Variants in ANGPT1 observed in about 807,000 individuals in gnomAD.
ANGPT1 encodes angiopoietin-1.
A neutral mutation model predicts 62.2 loss-of-function variants in ANGPT1; 17 were observed. The observed-to-expected ratio is 0.27, with a 90% confidence interval of 0.19 to 0.41. The LOEUF is 0.41. ANGPT1 is among the 10% of genes least tolerant of loss of function. The probability of loss-of-function intolerance (pLI) is 1.00; values close to 1 mark genes in which losing one functional copy is unlikely to be tolerated. For missense variants in ANGPT1, 478 were observed against 594.9 expected (o/e 0.80, Z 2.04); for synonymous variants, 199 against 198.9 (o/e 1.00, Z 0.00).
At chr8:107,447,969 A>T (rs920459883) in intron 1 of ANGPT1, among the ~76,000 whole-genome samples, 2 of 152,214 alleles carry the variant, frequency 1.3e-5, no homozygotes, top group Admixed American at 6.5e-5. Context: ...ACTTAGGCAG[A>T]AGCTGAAGCC....
intron 1 of ANGPT1, among the ~76,000 whole-genome samples, chr8:107,404,425 T>C (rs1817106260): frequency 6.6e-6 from 1 of 152,134 alleles, no homozygotes; most frequent in Non-Finnish European, 1.5e-5. Flanking sequence ...TTTCTTAAGA[T>C]ATTTTCTATA....
chr8:107,402,786 C>T (rs1210310783), intron 1 of ANGPT1, among the ~76,000 whole-genome samples: 1 of 152,050 alleles, frequency 6.6e-6, no homozygotes, highest in African/African-American at 2.4e-5. Flanking sequence ...AAAATAAAAT[C>T]ATAAATTCTG....
intron 4 of ANGPT1, among the ~76,000 whole-genome samples, chr8:107,320,523 C>T (rs1166262357): frequency 6.6e-6 from 1 of 152,066 alleles, no homozygotes; most frequent in East Asian, 1.9e-4. Context: ...TCGTTAAATA[C>T]TCATGAGTTC....
At chr8:107,384,177 G>C (rs890361779) in intron 1 of ANGPT1, among the ~76,000 whole-genome samples, 1 of 152,022 alleles carries the variant, frequency 6.6e-6, no homozygotes. Context: ...TTGACTCAGT[G>C]GTTCTCACTT....
chr8:107,411,456 T>C (rs533666965), intron 1 of ANGPT1, among the ~76,000 whole-genome samples: 2 of 152,202 alleles, frequency 1.3e-5, no homozygotes, highest in African/African-American at 4.8e-5. Context: ...AAAAGACTTA[T>C]AAGAATATGT....
At position 107,299,861 on chromosome 8, in the gene ANGPT1, T is replaced by C. The variant is rs1406871903; in HGVS notation, c.936+3379A>G. Among the ~76,000 whole-genome samples, 2 of 102,532 alleles carry C rather than the reference T, an allele frequency of 2.0e-5. 1 individual carries two copies. Among genetic ancestry groups the C allele is most frequent in the Non-Finnish European group, 3.9e-5 (2 of 50,836 alleles). The allele number at this position is 102,532 out of a possible 152,430, so 67.3% of individuals were successfully genotyped here. A position where few individuals can be genotyped will look rare whatever the true frequency, so the allele number is the denominator to read the frequency against. Reference sequence around the variant, plus strand: ...TCTAGATATACTATATATTTAGATATGTAGTTATATCTAGATATACTATAT... The same window carrying C: ...TCTAGATATACTATATATTTAGATACGTAGTTATATCTAGATATACTATAT... On this transcript the variant is annotated intron_variant, in intron 5 of 8. Transcript: ENST00000517746.
At chr8:107,489,452 CA>C (rs1812900218) in intron 1 of ANGPT1, among the ~76,000 whole-genome samples, 1 of 152,040 alleles carries the variant, frequency 6.6e-6, no homozygotes, top group Non-Finnish European at 1.5e-5. Context: ...TACTTACTGA[CA>C]AAAGAAAAGA....
intron 2 of ANGPT1, among the ~76,000 whole-genome samples, chr8:107,345,345 A>G (rs1815781159): frequency 6.6e-6 from 1 of 152,194 alleles, no homozygotes; most frequent in South Asian, 2.1e-4. Flanking sequence ...AAGGATGCAG[A>G]ACAATTTATC....
At chr8:107,299,135 C>T (rs1233542171) in intron 5 of ANGPT1, among the ~76,000 whole-genome samples, 1 of 151,284 alleles carries the variant, frequency 6.6e-6, no homozygotes, top group African/African-American at 2.4e-5. Context: ...CATGTCACAC[C>T]ATGTGTTTAC....
At chr8:107,300,867 C>G (rs1229835112) in intron 5 of ANGPT1, among the ~76,000 whole-genome samples, 1 of 151,860 alleles carries the variant, frequency 6.6e-6, no homozygotes, top group Non-Finnish European at 1.5e-5. Flanking sequence ...CTGATGAAAC[C>G]AACCCAGGAG....
chr8:107,255,061 T>G (rs1447138507), intron 8 of ANGPT1, among the ~76,000 whole-genome samples: 3 of 151,952 alleles, frequency 2.0e-5, no homozygotes, highest in South Asian at 2.1e-4. Flanking sequence ...GGACAGAAAT[T>G]TTTGGAAACA....
intron 7 of ANGPT1, among the ~76,000 whole-genome samples, chr8:107,272,067 G>A (rs1380589317): frequency 2.0e-5 from 3 of 151,920 alleles, no homozygotes; most frequent in African/African-American, 7.2e-5. Context: ...ACCAGAATTT[G>A]TGCATAATAA....
chr8:107,313,679 G>A (rs1179155801), intron 4 of ANGPT1, among the ~76,000 whole-genome samples: 3 of 151,502 alleles, frequency 2.0e-5, no homozygotes, highest in Non-Finnish European at 4.4e-5. Context: ...TCCTGACCTC[G>A]TGATCCACCT....
chr8:107,441,718 A>G (rs1811480078), intron 1 of ANGPT1, among the ~76,000 whole-genome samples: 1 of 152,290 alleles, frequency 6.6e-6, no homozygotes, highest in African/African-American at 2.4e-5. Flanking sequence ...AAATGAGATT[A>G]TACGTGGTTC....
At chr8:107,441,004 T>A (rs1337568862) in intron 1 of ANGPT1, among the ~76,000 whole-genome samples, 67 of 152,208 alleles carry the variant, frequency 4.4e-4, no homozygotes, top group Non-Finnish European at 1.5e-5. Flanking sequence ...ACCATGGCAA[T>A]GCTTTCAGGT....
intron 1 of ANGPT1, among the ~76,000 whole-genome samples, chr8:107,403,246 G>A (rs193178744): frequency 6.6e-6 from 1 of 152,212 alleles, no homozygotes; most frequent in Admixed American, 6.5e-5. Flanking sequence ...CAAGAAGAAG[G>A]GCAGTTTCTC....
chr8:107,373,556 T>A (rs999049875), intron 1 of ANGPT1, among the ~76,000 whole-genome samples: 1 of 152,180 alleles, frequency 6.6e-6, no homozygotes, highest in Admixed American at 6.5e-5. Flanking sequence ...CCATGAGGGA[T>A]CATTCACAGA....
At chr8:107,494,531 T>G (rs529551977) in intron 1 of ANGPT1, 20 of 152,362 alleles carry the variant, frequency 1.3e-4, no homozygotes, top group African/African-American at 4.8e-4. Flanking sequence ...CCCTTCCTGG[T>G]CTGAGATGTC....
chr8:107,459,528 C>A (rs59876529), intron 1 of ANGPT1, among the ~76,000 whole-genome samples: 7,040 of 140,446 alleles, frequency 0.05, 185 homozygotes, highest in South Asian at 0.11. Flanking sequence ...ACAACAACAA[C>A]AAAACAAGTA....
Sources: gnomAD v4.1 joint callset for allele counts (sites outside exome capture counted in the v4.1 genomes callset) on GRCh38, gnomAD v4.1.1 for gene constraint, MANE v1.5 for transcripts, NCBI Gene and HGNC (gene_info 2026-07-23, HGNC 2026-07-21) for gene names.